JPT2: variants seen among roughly 807,000 people sequenced by gnomAD.
The protein encoded by JPT2 is CRAMP_1 like.
In JPT2, 9 loss-of-function variants were observed where a neutral mutation model predicts 15.9. That is an observed-to-expected ratio of 0.57 (90% CI 0.34 to 0.99). The LOEUF is 0.99. JPT2 is among the 50% of genes least tolerant of loss of function. JPT2 has a pLI of 0.02. For missense variants in JPT2, 267 were observed against 252.1 expected (o/e 1.06, Z -0.40); for synonymous variants, 95 against 91.7 (o/e 1.04, Z -0.21).
At position 1,699,205 on chromosome 16, in the gene JPT2, T is replaced by TG. The variant is rs1395968689; in HGVS notation, c.*211dup. On this transcript the variant is annotated 3_prime_UTR_variant, in exon 5 of 5. Transcript: ENST00000248098. ...GGGAGATGCCTCTGTGGGGATGAAA[T>TG]GGGGCACCCCTGGCCATCACTCATG... The TG allele has an allele frequency of 1.6e-6, 1 of 610,666 alleles. No homozygotes were observed. Among genetic ancestry groups the TG allele is most frequent in the Non-Finnish European group, 3.0e-6 (1 of 333,776 alleles). The allele number at this position is 610,666 out of a possible 1,614,324, so 37.8% of individuals were successfully genotyped here.
chr16:1,692,511 G>A (rs1403657872), intron 3 of JPT2: 2 of 166,094 alleles, frequency 1.2e-5, no homozygotes, highest in Admixed American at 1.1e-4. Flanking sequence ...CTGGAAAGGA[G>A]AGGAATGCCT....
At chr16:1,680,967 G>A (rs2037018066) in intron 1 of JPT2, among the ~76,000 whole-genome samples, 1 of 152,186 alleles carries the variant, frequency 6.6e-6, no homozygotes, top group Non-Finnish European at 1.5e-5. Context: ...CCAGCTGTGT[G>A]AGGTTTTTCT....
At chr16:1,683,722 A>G (rs547484569) in intron 1 of JPT2, 13 of 663,786 alleles carry the variant, frequency 2.0e-5, no homozygotes, top group Middle Eastern at 5.9e-4. Context: ...ACATCCAGTC[A>G]CAAGGAGCCC....
At chr16:1,689,773 G>GA (rs1176663834) in intron 2 of JPT2, 1 of 152,122 alleles carries the variant, frequency 6.6e-6, no homozygotes, top group African/African-American at 2.4e-5. Context: ...TAAGAAGATG[G>GA]ATATGAAGGA....
chr16:1,689,631 C>G (rs1415481184), intron 2 of JPT2: 1 of 152,156 alleles, frequency 6.6e-6, no homozygotes, highest in African/African-American at 2.4e-5. Context: ...TTTGTAGAGA[C>G]AAGGTCTCAC....
At position 1,700,093 on chromosome 16, in the gene JPT2, G is replaced by T. The variant is rs1452426322; in HGVS notation, c.*1095G>T. ...TTCCAGAAAAAAGTCAATTGTTCAG[G>T]TACACCAAAGAGGAAGAAGAGCTGT... is the stretch of plus-strand genomic sequence containing the variant. On this transcript the variant is annotated 3_prime_UTR_variant, in exon 5 of 5. Transcript: ENST00000248098. 2.2e-6 allele frequency: 1 copy of T among 454,068 alleles called. No individual in the cohort carries two copies. The highest frequency in any genetic ancestry group is 7.0e-5 in the East Asian group (1 of 14,344). The allele number at this position is 454,068 out of a possible 1,614,324, so 28.1% of individuals were successfully genotyped here. A position where few individuals can be genotyped will look rare whatever the true frequency, so the allele number is the denominator to read the frequency against.
intron 1 of JPT2, among the ~76,000 whole-genome samples, 160 bp downstream of exon 1, chr16:1,678,516 C>G (rs1055743596): frequency 6.6e-6 from 1 of 152,112 alleles, no homozygotes; most frequent in African/African-American, 2.4e-5. Context: ...TTCTGCGCCG[C>G]CGCCAGACCG....
downstream of JPT2, chr16:1,702,311 G>A (rs1482795755): frequency 1.2e-5 from 4 of 327,052 alleles, no homozygotes; most frequent in Admixed American, 3.6e-5. Flanking sequence ...CATCCACAGG[G>A]TATAGAGCGA....
chr16:1,681,264 C>G (rs1189048601), intron 1 of JPT2, among the ~76,000 whole-genome samples: 1 of 152,138 alleles, frequency 6.6e-6, no homozygotes, highest in Non-Finnish European at 1.5e-5. Context: ...TTGAGGCAGC[C>G]CAGCCCTGCG....
At chr16:1,693,801 C>T (rs1371397609) in intron 3 of JPT2, among the ~76,000 whole-genome samples, 1 of 151,022 alleles carries the variant, frequency 6.6e-6, no homozygotes, top group East Asian at 1.9e-4. Flanking sequence ...ATGAGGAAGC[C>T]CTTACAGGCT....
intron 1 of JPT2, among the ~76,000 whole-genome samples, chr16:1,682,079 A>G (rs1434043328): frequency 2.0e-5 from 3 of 152,236 alleles, no homozygotes; most frequent in Non-Finnish European, 4.4e-5. Context: ...ACTATCCAAG[A>G]AAAATCGCAG....
At chr16:1,683,422 A>G in intron 1 of JPT2, 3 of 876,580 alleles carry the variant, frequency 3.4e-6, no homozygotes, top group South Asian at 3.1e-5. Context: ...GCCCTTTCTC[A>G]TTTAAGCTTG....
chr16:1,685,588 G>A lies in JPT2; in HGVS notation c.193+1G>A, dbSNP rs749499308. On this transcript the variant is annotated splice_donor_variant, in intron 2 of 4. Transcript: ENST00000248098. LOFTEE classifies it high-confidence loss of function. The stretch of plus-strand genomic sequence containing the variant: ...ATACCCAAGAGGACAAATCCCCCAG[G>A]TATGGGCCTTTGGAAATCCTTAATC... 6.2e-7 allele frequency: 1 copy of A among 1,610,276 alleles called. No homozygotes were observed. Among genetic ancestry groups the A allele is most frequent in the Non-Finnish European group, 8.5e-7 (1 of 1,179,000 alleles).
At chr16:1,696,520 CAAA>C (rs56844421) in intron 3 of JPT2, among the ~76,000 whole-genome samples, 2 of 112,112 alleles carry the variant, frequency 1.8e-5, no homozygotes, top group African/African-American at 3.4e-5. Context: ...GACTCCGTGT[CAAA>C]AAAAAAAAAA....
rs1405344597 is a variant in JPT2, at chr16:1,700,650, ACT to A, written c.*1655_*1656del. 5 of 157,082 alleles carry A rather than the reference ACT, an allele frequency of 3.2e-5. No individual in the cohort carries two copies. The highest frequency in any genetic ancestry group is 9.6e-5 in the African/African-American group (4 of 41,484). The allele number at this position is 157,082 out of a possible 1,614,324, so 9.7% of individuals were successfully genotyped here. A position where few individuals can be genotyped will look rare whatever the true frequency, so the allele number is the denominator to read the frequency against. On this transcript the variant is annotated 3_prime_UTR_variant, in exon 5 of 5. Coordinates refer to ENST00000248098, the MANE Select transcript of JPT2 (RefSeq NM_144570.3). Reference sequence around the variant, plus strand: ...CCTGTAGACTTTGGAGCCAAGAAACACTCTGTGTGACTCTACACACACTTCAG... The same window carrying A: ...CCTGTAGACTTTGGAGCCAAGAAACACTGTGTGACTCTACACACACTTCAG...
At chr16:1,687,712 C>T (rs1007011422) in intron 2 of JPT2, among the ~76,000 whole-genome samples, 2 of 152,240 alleles carry the variant, frequency 1.3e-5, no homozygotes, top group Non-Finnish European at 2.9e-5. Flanking sequence ...GTTCCTGCTT[C>T]TCATGGTCCT....
rs34233915 is a variant in JPT2 at position 1,698,887 on chromosome 16, G to A, written c.462G>A (p.Gln154=). 6,671 of 1,614,252 alleles carry A rather than the reference G, an allele frequency of 4.1e-3. 20 individuals carry two copies. Among genetic ancestry groups the A allele is most frequent in the Non-Finnish European group, 5.0e-3 (5,958 of 1,180,042 alleles). The change falls in exon 5 of 5, where the codon CAG becomes CAA. Residue 154 remains glutamine (Q), a synonymous_variant. Coordinates refer to ENST00000248098, the MANE Select transcript of JPT2 (RefSeq NM_144570.3). The surrounding 1 kb of genome is among the most constrained non-coding windows in gnomAD (Gnocchi z 4.9). ...GAAAAGCAGGCCCCGCCAAGGAGCA[G>A]GAGCCCATGCCCACAGTCGACAGCC... ...SARKAGPAKE[Q]EPMPTVDSHE...
chr16:1,684,499 G>C (rs530652349), intron 1 of JPT2, among the ~76,000 whole-genome samples: 5 of 152,236 alleles, frequency 3.3e-5, no homozygotes, highest in African/African-American at 1.2e-4. Flanking sequence ...CCAGCACTTT[G>C]GGAGGCCGAG....
intron 2 of JPT2, 132 bp from the exon 3 acceptor site, chr16:1,691,711 C>T: frequency 9.6e-7 from 1 of 1,044,780 alleles, no homozygotes; most frequent in South Asian, 1.6e-5. Flanking sequence ...AGCATCCTGC[C>T]CTGTTGGCCT....
Sources: allele counts gnomAD v4.1 joint callset (sites outside exome capture counted in the v4.1 genomes callset), GRCh38; gene constraint gnomAD v4.1.1; non-coding constraint Gnocchi (gnomAD v3.1); transcripts MANE v1.5; gene names NCBI Gene and HGNC (gene_info 2026-07-23, HGNC 2026-07-21).